TSNARE1: variants seen among roughly 807,000 people sequenced by gnomAD.
The protein encoded by TSNARE1 is t-SNARE domain containing 1.
TSNARE1 carries 49 observed loss-of-function variants against 62.0 expected under a neutral mutation model. The ratio of observed to expected loss-of-function variants is 0.79; its 90% CI spans 0.63 to 1.00. The LOEUF is 1.00. Among genes scored for constraint, TSNARE1 ranks in the 50% least tolerant of loss-of-function variants. TSNARE1 has a pLI of 0.00. For synonymous variants in TSNARE1, 328 were observed against 294.4 expected, an observed-to-expected ratio of 1.11 and a Z score of -1.17; for missense variants, 755 against 700.1, an observed-to-expected ratio of 1.08 and a Z score of -0.88.
intron 5 of TSNARE1, 136 bp from the exon 6 acceptor site, chr8:142,331,106 C>T (rs907005277): frequency 9.8e-6 from 7 of 712,202 alleles, no homozygotes; most frequent in African/African-American, 1.8e-5. Flanking sequence ...GGGCAGACCA[C>T]CTAAGTGGCC....
intron 1 of TSNARE1, among the ~76,000 whole-genome samples, chr8:142,380,496 C>CG (rs1836659777): frequency 6.6e-6 from 1 of 152,050 alleles, no homozygotes; most frequent in African/African-American, 2.4e-5. Context: ...GCCCCTATCA[C>CG]GCTGCATCCT....
intron 6 of TSNARE1, among the ~76,000 whole-genome samples, chr8:142,328,878 A>T (rs1028020085): frequency 6.6e-6 from 1 of 151,058 alleles, no homozygotes; most frequent in Non-Finnish European, 1.5e-5. Flanking sequence ...CTGGCCTTGC[A>T]TGGGATCAGA....
At chr8:142,292,181 G>A (rs192815953) in intron 10 of TSNARE1, among the ~76,000 whole-genome samples, 5 of 152,200 alleles carry the variant, frequency 3.3e-5, no homozygotes, top group Non-Finnish European at 7.4e-5. Context: ...ACACCAACAC[G>A]AGACAGGGGC....
intron 6 of TSNARE1, among the ~76,000 whole-genome samples, chr8:142,329,238 C>A (rs1050714352): frequency 2.0e-5 from 3 of 152,208 alleles, no homozygotes; most frequent in Non-Finnish European, 2.9e-5. Context: ...CAGAAAAGCA[C>A]TAAGGCGAGT....
chr8:142,297,440 T>C (rs550695834), intron 10 of TSNARE1, among the ~76,000 whole-genome samples: 35 of 152,326 alleles, frequency 2.3e-4, no homozygotes, highest in African/African-American at 5.3e-4. Context: ...TAGTAAGTCA[T>C]TGAAGGCTGG....
chr8:142,369,191 A>C (rs1281011177), intron 1 of TSNARE1, among the ~76,000 whole-genome samples: 6 of 152,190 alleles, frequency 3.9e-5, no homozygotes, highest in Non-Finnish European at 5.9e-5. Flanking sequence ...GAGGAAGCCC[A>C]ACACTGCCGG....
At chr8:142,377,318 T>C (rs753203162) in intron 1 of TSNARE1, among the ~76,000 whole-genome samples, 64 of 151,054 alleles carry the variant, frequency 4.2e-4, no homozygotes, top group Non-Finnish European at 8.0e-4. Flanking sequence ...AGCAACGTTA[T>C]CCACACACAC....
At chr8:142,288,784 G>T (rs1823252863) in intron 10 of TSNARE1, among the ~76,000 whole-genome samples, 1 of 152,256 alleles carries the variant, frequency 6.6e-6, no homozygotes, top group Non-Finnish European at 1.5e-5. Context: ...TGCCCATTGG[G>T]ATGAGCTAAG....
chr8:142,236,521 C>T (rs1044795414), intron 12 of TSNARE1, among the ~76,000 whole-genome samples: 10 of 151,530 alleles, frequency 6.6e-5, no homozygotes, highest in African/African-American at 2.4e-4. Context: ...CCCCCCTCCC[C>T]TGTTTCTGTG....
chr8:142,397,014 T>A (rs1755270494), intron 1 of TSNARE1, among the ~76,000 whole-genome samples: 1 of 149,626 alleles, frequency 6.7e-6, no homozygotes, highest in African/African-American at 2.5e-5. Context: ...GGGGCTGCAC[T>A]CCCTGACCTT....
At chr8:142,306,374 T>G (rs961229397) in intron 9 of TSNARE1, among the ~76,000 whole-genome samples, 2 of 152,222 alleles carry the variant, frequency 1.3e-5, no homozygotes, top group East Asian at 3.9e-4. Context: ...GGTGGAAATG[T>G]AGGCTGAGGT....
At chr8:142,327,067 G>A (rs186456075) in intron 6 of TSNARE1, among the ~76,000 whole-genome samples, 210 of 152,274 alleles carry the variant, frequency 1.4e-3, no homozygotes, top group African/African-American at 4.9e-3. Context: ...GTTCCTCAAA[G>A]GATTACACAA....
intron 12 of TSNARE1, among the ~76,000 whole-genome samples, chr8:142,236,220 G>C (rs1204983149): frequency 6.6e-6 from 1 of 152,146 alleles, no homozygotes; most frequent in East Asian, 1.9e-4. Context: ...AATGCAAAGA[G>C]GGAAGCCTTT....
At position 142,354,689 on chromosome 8, in the gene TSNARE1, C is replaced by G; in HGVS notation, c.36G>C (p.Leu12=). 6.2e-7 allele frequency: 1 copy of G among 1,613,752 alleles called. No homozygotes were observed. Among genetic ancestry groups the G allele is most frequent in the South Asian group, 1.1e-5 (1 of 91,076 alleles). ...SYGSIARGGG[L]GSRGPFGGPS... is the part of the protein sequence containing the mutation. Reference sequence around the variant, plus strand: ...GTCCCCCGAAAGGGCCACGGCTCCCCAGGCCACCTCCACGGGCGATGGATC... The same window carrying G: ...GTCCCCCGAAAGGGCCACGGCTCCCGAGGCCACCTCCACGGGCGATGGATC... The change falls in exon 2 of 14, where the codon CTG becomes CTC. Residue 12 remains leucine (L), a synonymous_variant. Transcript: ENST00000524325.
chr8:142,375,619 C>T (rs1836271911), intron 1 of TSNARE1, among the ~76,000 whole-genome samples: 1 of 152,252 alleles, frequency 6.6e-6, no homozygotes, highest in Admixed American at 6.5e-5. Context: ...CAGCTCACCA[C>T]AGTGCACACT....
chr8:142,280,788 T>C (rs1435881665), intron 11 of TSNARE1, among the ~76,000 whole-genome samples: 2 of 150,084 alleles, frequency 1.3e-5, no homozygotes, highest in Non-Finnish European at 3.0e-5. Flanking sequence ...AAGCTGACAG[T>C]GGGGAGAAGG....
intron 11 of TSNARE1, chr8:142,275,825 C>T: frequency 1.0e-6 from 1 of 985,352 alleles, no homozygotes; most frequent in South Asian, 4.7e-5. Context: ...GCCATTACAA[C>T]CACAGGGACT....
intron 13 of TSNARE1, among the ~76,000 whole-genome samples, chr8:142,222,728 TCATC>T (rs1563755899): frequency 2.6e-5 from 3 of 116,388 alleles, no homozygotes; most frequent in African/African-American, 6.6e-5. Context: ...ACTCACTCAC[TCATC>T]CACTCACTCA....
chr8:142,300,522 G>T lies in TSNARE1; in HGVS notation c.1254C>A (p.Ala418=). Residue 418 remains alanine, a synonymous_variant, in exon 10 of 14, where the codon GCC becomes GCA. Coordinates refer to ENST00000524325, the MANE Select transcript of TSNARE1 (RefSeq NM_145003.5). Reference sequence around the variant, plus strand: ...GGATGGCCTCCTCCCGCAGCCGGATGGCCTCCAGGTCCTCTTCAGTGATGT... The same window carrying T: ...GGATGGCCTCCTCCCGCAGCCGGATTGCCTCCAGGTCCTCTTCAGTGATGT... ...LPDITEEDLE[A]IRLREEAILQ... 6.2e-7 allele frequency: 1 copy of T among 1,609,840 alleles called. No individual in the cohort carries two copies.
Sources: gnomAD v4.1 joint callset for allele counts (sites outside exome capture counted in the v4.1 genomes callset) on GRCh38, gnomAD v4.1.1 for gene constraint, MANE v1.5 for transcripts, NCBI Gene and HGNC (gene_info 2026-07-23, HGNC 2026-07-21) for gene names.